RARB: variants seen among roughly 807,000 people sequenced by gnomAD.
The protein encoded by RARB is retinoic acid receptor beta, also known as HBV-activated protein.
RARB carries 17 observed loss-of-function variants against 51.9 expected under a neutral mutation model. The observed-to-expected ratio is 0.33, with a 90% CI of 0.22 to 0.49. RARB has a LOEUF of 0.49. RARB is among the 20% of genes least tolerant of loss of function. The pLI is 0.99. For synonymous variants in RARB, 215 were observed against 195.4 expected, an observed-to-expected ratio of 1.10 and a Z score of -0.84; for missense variants, 369 against 550.8, an observed-to-expected ratio of 0.67 and a Z score of 3.30.
intron 2 of RARB, among the ~76,000 whole-genome samples, chr3:24,946,474 C>T (rs748602251): frequency 2.6e-5 from 4 of 151,674 alleles, no homozygotes; most frequent in African/African-American, 7.3e-5. Context: ...TGCAAAATGT[C>T]TTGCAAATAT....
intron 5 of RARB, among the ~76,000 whole-genome samples, chr3:25,389,775 C>A (rs1264295158): frequency 1.3e-5 from 2 of 152,098 alleles, no homozygotes; most frequent in South Asian, 4.2e-4. Flanking sequence ...GAAAGTGCAC[C>A]TGTGTGCATA....
rs768368594 is a variant in RARB at position 24,918,897 on chromosome 3, AAAATT to A, written c.-380+60155_-380+60159del. ...AGAGCGAGAGTCTCAAAAAATAAAT[AAAATT>A]AAATTAAATAAATAAAAAACTTAGA... On this transcript the variant is annotated intron_variant, in intron 2 of 11. Transcript: ENST00000383772. Among the ~76,000 whole-genome samples, 269 of 151,858 alleles carry A rather than the reference AAAATT, an allele frequency of 1.8e-3. 3 individuals carry two copies. The highest frequency in any genetic ancestry group is 3.4e-3 in the Middle Eastern group (1 of 294).
At chr3:24,980,966 T>C (rs1055219664) in intron 2 of RARB, among the ~76,000 whole-genome samples, 2 of 152,170 alleles carry the variant, frequency 1.3e-5, no homozygotes, top group Non-Finnish European at 2.9e-5. Flanking sequence ...ATGTCCTTTT[T>C]GTTGATGCTG....
At chr3:25,080,120 C>A (rs903200718) in intron 3 of RARB, among the ~76,000 whole-genome samples, 2 of 152,132 alleles carry the variant, frequency 1.3e-5, no homozygotes, top group Non-Finnish European at 2.9e-5. Context: ...ACTTTGCCAG[C>A]CTCTAATGTA....
chr3:25,486,373 G>A (rs1050810818), intron 2 of RARB, among the ~76,000 whole-genome samples: 5 of 152,210 alleles, frequency 3.3e-5, no homozygotes, highest in Non-Finnish European at 7.3e-5. Context: ...GTTAAAGGAA[G>A]AAAGTAGACT....
At chr3:25,105,431 AAAAAAAAAAG>A (rs2125322964) in intron 3 of RARB, among the ~76,000 whole-genome samples, 1 of 147,608 alleles carries the variant, frequency 6.8e-6, no homozygotes, top group African/African-American at 2.5e-5. Flanking sequence ...GCAAAAAAAA[AAAAAAAAAAG>A]AAGATTTGTG....
chr3:25,115,512 T>G (rs1054251749), intron 3 of RARB, among the ~76,000 whole-genome samples: 3 of 152,180 alleles, frequency 2.0e-5, no homozygotes, highest in African/African-American at 7.2e-5. Context: ...TAATTATGCC[T>G]AGTATTCTTC....
intron 5 of RARB, among the ~76,000 whole-genome samples, chr3:25,318,430 T>C (rs1479322330): frequency 3.9e-5 from 6 of 152,210 alleles, no homozygotes; most frequent in Non-Finnish European, 7.4e-5. Context: ...ACTTCAATTT[T>C]ATTGAACATA....
chr3:25,587,963 T>C (rs1365584742), intron 5 of RARB, among the ~76,000 whole-genome samples: 1 of 151,926 alleles, frequency 6.6e-6, no homozygotes, highest in Non-Finnish European at 1.5e-5. Flanking sequence ...ATTCAGTTTA[T>C]TCATTCAATA....
At chr3:24,875,772 C>A (rs1388920107) in intron 2 of RARB, among the ~76,000 whole-genome samples, 2 of 151,946 alleles carry the variant, frequency 1.3e-5, no homozygotes, top group East Asian at 1.9e-4. Context: ...AAATTACAGA[C>A]CTTATTCAAA....
At chr3:25,046,406 C>T (rs1431755891) in intron 2 of RARB, among the ~76,000 whole-genome samples, 1 of 152,186 alleles carries the variant, frequency 6.6e-6, no homozygotes, top group African/African-American at 2.4e-5. Flanking sequence ...GAAGGCAGCA[C>T]TCTTTAAGAC....
chr3:25,596,605 C>T lies in RARB; in HGVS notation c.1336C>T (p.Leu446Phe). The T allele has an allele frequency of 6.3e-7, 1 of 1,595,476 alleles. No individual in the cohort carries two copies. Among genetic ancestry groups the T allele is most frequent in the African/African-American group, 1.3e-5 (1 of 74,742 alleles). ...AAACAGTGGGGTCAGTCAGTCACCA[C>T]TCGTGCAATAAGACATTTTCTAGCT... Reference protein sequence around the residue: ...VENSGVSQSPLVQ With the variant: ...VENSGVSQSPFVQ The change falls in exon 8 of 8, where the codon CTC becomes TTC. Residue 446 changes from leucine (L) to phenylalanine (F), a missense_variant. Physicochemically the swap from Leu to Phe is conservative, Grantham distance 22. This residue lies in a region of RARB where 54 missense variants were observed against 43.4 expected (regional missense o/e 1.24). Coordinates refer to ENST00000330688, the MANE Select transcript of RARB (RefSeq NM_000965.5).
intron 2 of RARB, among the ~76,000 whole-genome samples, chr3:25,055,877 T>C (rs866504805): frequency 1.3e-5 from 2 of 152,018 alleles, no homozygotes; most frequent in Non-Finnish European, 2.9e-5. Context: ...TGAAAGTACA[T>C]GGGGAGCTGC....
At chr3:25,583,122 C>T (rs184037027) in intron 5 of RARB, among the ~76,000 whole-genome samples, 85 of 152,280 alleles carry the variant, frequency 5.6e-4, no homozygotes, top group African/African-American at 1.8e-3. Context: ...GGGCAAAGAC[C>T]TCCAATCATA....
Position 25,438,010 on chromosome 3 carries a change from G to T in RARB, c.157+9122G>T, listed in dbSNP as rs572649246. Among the ~76,000 whole-genome samples, 3 of 152,332 alleles carry T rather than the reference G, an allele frequency of 2.0e-5. No individual in the cohort carries two copies. The East Asian group carries it at 5.8e-4, about 29-fold the overall frequency. On this transcript the variant is annotated intron_variant, in intron 1 of 7. Coordinates refer to ENST00000330688, the MANE Select transcript of RARB (RefSeq NM_000965.5). Reference sequence around the variant, plus strand: ...TGACATTATTCTGTGGATGGGCTGGGCTCCGCTGGGCAGACCCTCTGCTCC... The same window carrying T: ...TGACATTATTCTGTGGATGGGCTGGTCTCCGCTGGGCAGACCCTCTGCTCC...
At chr3:25,350,470 G>A (rs1200419443) in intron 5 of RARB, among the ~76,000 whole-genome samples, 1 of 152,138 alleles carries the variant, frequency 6.6e-6, no homozygotes, top group Non-Finnish European at 1.5e-5. Context: ...TGCTGAATAG[G>A]CATCTCTATT....
chr3:25,574,372 G>C (rs943953257), intron 4 of RARB, among the ~76,000 whole-genome samples: 1 of 152,172 alleles, frequency 6.6e-6, no homozygotes, highest in Non-Finnish European at 1.5e-5. Flanking sequence ...TATATGGAGC[G>C]CCTTGCACAG....
chr3:25,042,859 T>C (rs573123827), intron 2 of RARB, among the ~76,000 whole-genome samples: 2 of 152,324 alleles, frequency 1.3e-5, no homozygotes, highest in South Asian at 4.1e-4. Context: ...CCCCATTTCC[T>C]CTACCCCTCC....
intron 6 of RARB, 100 bp downstream of exon 6, chr3:25,593,807 A>G (rs1362104624): frequency 2.5e-5 from 29 of 1,146,392 alleles, no homozygotes; most frequent in Non-Finnish European, 3.5e-5. Context: ...GTTGTTTTAC[A>G]TGGGAAAACA....
Sources: gnomAD v4.1 joint callset for allele counts (sites outside exome capture counted in the v4.1 genomes callset) on GRCh38, gnomAD v4.1.1 for gene constraint, gnomAD v4.1.1 regional missense constraint, MANE v1.5 for transcripts, NCBI Gene and HGNC (gene_info 2026-07-23, HGNC 2026-07-21) for gene names.